The following STX8 variants were observed in gnomAD, a reference collection of about 807,000 sequenced individuals.
STX8 encodes the protein syntaxin-8.
STX8 carries 23 observed loss-of-function variants against 37.5 expected under a neutral mutation model. That is an observed-to-expected ratio of 0.61 (90% confidence interval 0.44 to 0.87). The LOEUF is 0.87. Among genes scored for constraint, STX8 ranks in the 40% least tolerant of loss-of-function variants. STX8 has a pLI of 0.00. For missense variants in STX8, 313 were observed against 284.7 expected (o/e 1.10, Z -0.71); for synonymous variants, 115 against 99.1 (o/e 1.16, Z -0.95).
At chr17:9,463,867 CA>C (rs1905498948) in intron 6 of STX8, among the ~76,000 whole-genome samples, 1 of 149,182 alleles carries the variant, frequency 6.7e-6, no homozygotes, top group Non-Finnish European at 1.5e-5. Flanking sequence ...GAGATTGCGC[CA>C]TTGTACTCCA....
intron 7 of STX8, among the ~76,000 whole-genome samples, chr17:9,272,600 G>A (rs560317633): frequency 6.6e-6 from 1 of 152,368 alleles, no homozygotes; most frequent in Non-Finnish European, 1.5e-5. Flanking sequence ...CCCGAAGCTA[G>A]CGCGCCAGCG....
rs139173440 is a variant in STX8 at position 9,314,483 on chromosome 17, C to T, written c.644-63838G>A. Among the ~76,000 whole-genome samples, 1,219 of 151,992 alleles carry T rather than the reference C, an allele frequency of 8.0e-3. 13 individuals are homozygous for T. Among genetic ancestry groups the T allele is most frequent in the African/African-American group, 0.027 (1,135 of 41,506 alleles). On this transcript the variant is annotated intron_variant, in intron 7 of 7. Transcript: ENST00000306357. ...TATGATCTCGGCTCACTGCAAGCTC[C>T]GCCTCCCAGGTTCATACCATTCTTC...
chr17:9,386,494 A>G (rs557733992), intron 6 of STX8, among the ~76,000 whole-genome samples: 1 of 152,202 alleles, frequency 6.6e-6, no homozygotes, highest in South Asian at 2.1e-4. Context: ...AATTCACGCA[A>G]ATGGGTACAG....
intron 2 of STX8, among the ~76,000 whole-genome samples, chr17:9,563,737 TAAATTA>T (rs1364650305): frequency 2.0e-5 from 3 of 151,812 alleles, no homozygotes; most frequent in Non-Finnish European, 4.4e-5. Context: ...TATTTAAAAT[TAAATTA>T]AAAAGTTGGA....
chr17:9,506,266 C>G (rs371529708), intron 4 of STX8, among the ~76,000 whole-genome samples: 1 of 151,952 alleles, frequency 6.6e-6, no homozygotes, highest in African/African-American at 2.4e-5. Context: ...GTCCAGGACA[C>G]GACCTTCTGA....
chr17:9,498,934 A>G (rs1217132989), intron 5 of STX8, among the ~76,000 whole-genome samples: 3 of 152,188 alleles, frequency 2.0e-5, no homozygotes, highest in African/African-American at 7.2e-5. Flanking sequence ...TATCTCAGGG[A>G]TCTTTGAGGC....
intron 4 of STX8, among the ~76,000 whole-genome samples, chr17:9,520,688 CG>C (rs944595242): frequency 3.9e-5 from 6 of 151,952 alleles, no homozygotes; most frequent in South Asian, 2.1e-4. Context: ...ATGATAATAT[CG>C]GGGGGGTGCA....
intron 7 of STX8, among the ~76,000 whole-genome samples, chr17:9,342,457 A>G (rs11869918): frequency 0.54 from 81,824 of 151,912 alleles, 22,755 homozygotes; most frequent in African/African-American, 0.67. Flanking sequence ...GGAGAGCCCT[A>G]AGCGTGCAAG....
chr17:9,343,095 T>C (rs1181635556), intron 7 of STX8, among the ~76,000 whole-genome samples: 1 of 148,816 alleles, frequency 6.7e-6, no homozygotes, highest in African/African-American at 2.5e-5. Flanking sequence ...AGCCAGGAGA[T>C]GGAGAAGGTT....
At chr17:9,549,182 A>G (rs1019117185) in intron 3 of STX8, among the ~76,000 whole-genome samples, 3 of 152,234 alleles carry the variant, frequency 2.0e-5, no homozygotes, top group Non-Finnish European at 4.4e-5. Flanking sequence ...GGTAATAACT[A>G]ATGAGAAATG....
intron 7 of STX8, among the ~76,000 whole-genome samples, chr17:9,377,547 T>A (rs529985196): frequency 6.6e-6 from 1 of 152,328 alleles, no homozygotes; most frequent in African/African-American, 2.4e-5. Flanking sequence ...CTCAGTTCAC[T>A]GCAACCTTCA....
chr17:9,546,404 A>C (rs1339572875), intron 3 of STX8, among the ~76,000 whole-genome samples: 2 of 151,600 alleles, frequency 1.3e-5, no homozygotes, highest in African/African-American at 2.4e-5. Context: ...AAAAAACCAA[A>C]CAACCATCCT....
rs140965935 is a variant in STX8, at chr17:9,356,960, G to GTTTTTTTTTTTTTTT, written c.643+21577_643+21591dup. The stretch of plus-strand genomic sequence containing the variant: ...TTTCATTCTCTCCATCCTTTTAACA[G>GTTTTTTTTTTTTTTT]TTTTTTTTTTTTTTTTTTTTTTTTT... On this transcript the variant is annotated intron_variant, in intron 7 of 7. Transcript: ENST00000306357. Among the ~76,000 whole-genome samples the GTTTTTTTTTTTTTTT allele has an allele frequency of 9.7e-5, 6 of 61,748 alleles. 1 individual carries two copies. The highest frequency in any genetic ancestry group is 1.2e-4 in the Non-Finnish European group (4 of 34,704). 40.5% of individuals were successfully genotyped at this position (61,748 alleles called of 152,430 possible).
At chr17:9,556,083 T>A (rs1329652985) in intron 3 of STX8, among the ~76,000 whole-genome samples, 1 of 152,182 alleles carries the variant, frequency 6.6e-6, no homozygotes, top group Non-Finnish European at 1.5e-5. Flanking sequence ...TGTTTGAAAT[T>A]AAACTTTTAT....
chr17:9,533,268 G>C (rs1905890516), intron 4 of STX8, among the ~76,000 whole-genome samples: 1 of 152,170 alleles, frequency 6.6e-6, no homozygotes, highest in African/African-American at 2.4e-5. Flanking sequence ...AGGAGTTCAA[G>C]ACCAGCCTGG....
At position 9,271,314 on chromosome 17, in the gene STX8, C is replaced by T. The variant is rs528785683; in HGVS notation, c.644-20669G>A. 5.9e-5 allele frequency among the ~76,000 whole-genome samples: 9 copies of T among 152,060 alleles called. No individual in the cohort carries two copies. The South Asian group carries it at 1.5e-3, about 25-fold the overall frequency. The stretch of plus-strand genomic sequence containing the variant: ...ACTAAAAATACAAAAATTAGCTGGG[C>T]GTGATGGCATGTGCCTGTAATCCCA... On this transcript the variant is annotated intron_variant, in intron 7 of 7. Transcript: ENST00000306357.
rs567918211 is a variant in STX8 at position 9,374,991 on chromosome 17, G to A, written c.643+3561C>T. 2.0e-5 allele frequency among the ~76,000 whole-genome samples: 3 copies of A among 149,674 alleles called. No homozygotes were observed. The South Asian group carries it at 6.4e-4, about 32-fold the overall frequency. On this transcript the variant is annotated intron_variant, in intron 7 of 7. Coordinates refer to ENST00000306357, the MANE Select transcript of STX8 (RefSeq NM_004853.3). ...GGCAGGAGAAATCACTTGAACCTGGGAGGCAGAGGTTGCAGTGAGCTGAGA... is the reference window on the plus strand; with the variant it reads ...GGCAGGAGAAATCACTTGAACCTGGAAGGCAGAGGTTGCAGTGAGCTGAGA...
At chr17:9,325,591 A>G (rs995710988) in intron 7 of STX8, among the ~76,000 whole-genome samples, 1 of 152,176 alleles carries the variant, frequency 6.6e-6, no homozygotes, top group Non-Finnish European at 1.5e-5. Flanking sequence ...CTGCATTTTC[A>G]TTTTGCGATG....
At chr17:9,558,318 T>A (rs556422040) in intron 2 of STX8, among the ~76,000 whole-genome samples, 1 of 152,194 alleles carries the variant, frequency 6.6e-6, no homozygotes, top group Non-Finnish European at 1.5e-5. Flanking sequence ...GCAGCAATTA[T>A]ATAACTCAAG....
Sources: gnomAD v4.1 joint callset for allele counts (sites outside exome capture counted in the v4.1 genomes callset) on GRCh38, gnomAD v4.1.1 for gene constraint, MANE v1.5 for transcripts, NCBI Gene and HGNC (gene_info 2026-07-23, HGNC 2026-07-21) for gene names.